Variants in DIP2C observed in about 807,000 individuals in gnomAD.
The protein encoded by DIP2C is disco-interacting protein 2 homolog C.
Under a neutral mutation model 192.4 loss-of-function variants are expected in DIP2C, and 33 were observed. That is an observed-to-expected ratio of 0.17 (90% CI 0.13 to 0.23). The LOEUF (loss-of-function observed/expected upper bound fraction) is 0.23. Among genes scored for constraint, DIP2C ranks in the 10% least tolerant of loss-of-function variants. The pLI is 1.00. For synonymous variants in DIP2C, 979 were observed against 864.1 expected (o/e 1.13, Z -2.33); for missense variants, 1,537 against 2,110.1 (o/e 0.73, Z 5.32).
Position 408,926 on chromosome 10 carries a change from C to T in DIP2C, c.1149G>A (p.Arg383=), listed in dbSNP as rs1481876015. 6 of 1,613,912 alleles carry T rather than the reference C, an allele frequency of 3.7e-6. No homozygotes were observed. The highest frequency in any genetic ancestry group is 5.1e-6 in the Non-Finnish European group (6 of 1,179,992). ...KQEPMVRPGD[R]VALVFPNNDP... ...ATCCAGCAGTTTAAGTTGCACTTAC[C>T]CTATCTCCAGGCCGGACCATGGGTT... is the stretch of plus-strand genomic sequence containing the variant. Residue 383 remains arginine, a splice_region_variant and synonymous_variant, in exon 9 of 37, where the codon AGG becomes AGA. Transcript: ENST00000280886.
intron 6 of DIP2C, among the ~76,000 whole-genome samples, chr10:417,425 A>G (rs2133118807): frequency 9.3e-6 from 1 of 107,626 alleles, no homozygotes; most frequent in South Asian, 3.7e-4. Flanking sequence ...TGGCCAATTT[A>G]GTAAAGACGA....
intron 1 of DIP2C, among the ~76,000 whole-genome samples, chr10:659,474 TAA>T (rs1266831090): frequency 6.6e-6 from 1 of 152,234 alleles, no homozygotes; most frequent in Non-Finnish European, 1.5e-5. Flanking sequence ...TTGTAATTAA[TAA>T]ACTCTACTTT....
At chr10:419,882 C>A (rs1243543017) in intron 5 of DIP2C, among the ~76,000 whole-genome samples, 1 of 152,174 alleles carries the variant, frequency 6.6e-6, no homozygotes, top group African/African-American at 2.4e-5. Context: ...TCTTACAGCA[C>A]CCCCTGGAGA....
At chr10:659,600 C>A (rs1199063467) in intron 1 of DIP2C, among the ~76,000 whole-genome samples, 1 of 152,208 alleles carries the variant, frequency 6.6e-6, no homozygotes, top group South Asian at 2.1e-4. Context: ...TGCCTGAAGA[C>A]CCTCTTCTGT....
intron 3 of DIP2C, among the ~76,000 whole-genome samples, chr10:445,450 T>G (rs148637623): frequency 1.3e-5 from 2 of 150,628 alleles, no homozygotes; most frequent in African/African-American, 4.9e-5. Flanking sequence ...ATATCTGTTG[T>G]GAAGAGTCTC....
At chr10:611,317 AC>A (rs1853083880) in intron 1 of DIP2C, among the ~76,000 whole-genome samples, 1 of 152,138 alleles carries the variant, frequency 6.6e-6, no homozygotes, top group East Asian at 1.9e-4. Flanking sequence ...TGCCGATTAA[AC>A]CTTTTTTCCT....
At chr10:550,041 C>T (rs1848506740) in intron 1 of DIP2C, among the ~76,000 whole-genome samples, 1 of 150,492 alleles carries the variant, frequency 6.6e-6, no homozygotes, top group African/African-American at 2.4e-5. Flanking sequence ...AGACAGTCTC[C>T]CTCTGTCGCC....
chr10:624,561 C>T (rs562825672), intron 1 of DIP2C, among the ~76,000 whole-genome samples: 50 of 152,316 alleles, frequency 3.3e-4, no homozygotes, highest in Admixed American at 1.3e-3. Context: ...TTGGAAGTCA[C>T]TCCCACCAGC....
intron 33 of DIP2C, among the ~76,000 whole-genome samples, chr10:287,003 A>G (rs1017616907): frequency 6.6e-6 from 1 of 152,158 alleles, no homozygotes; most frequent in African/African-American, 2.4e-5. Context: ...GTCCGTGTGG[A>G]TCTCCAGCTC....
At chr10:377,978 G>A (rs1041270090) in intron 17 of DIP2C, among the ~76,000 whole-genome samples, 3 of 152,100 alleles carry the variant, frequency 2.0e-5, no homozygotes, top group South Asian at 4.2e-4. Context: ...GTAGCTTTAA[G>A]AAAATCAAGT....
At chr10:360,744 T>C (rs1449962571) in intron 22 of DIP2C, among the ~76,000 whole-genome samples, 1 of 152,214 alleles carries the variant, frequency 6.6e-6, no homozygotes, top group African/African-American at 2.4e-5. Context: ...TCTTAATACT[T>C]TTGTGCTCAA....
At chr10:388,971 C>CA (rs1434842267) in intron 13 of DIP2C, among the ~76,000 whole-genome samples, 1 of 142,874 alleles carries the variant, frequency 7.0e-6, no homozygotes, top group Non-Finnish European at 1.5e-5. Flanking sequence ...TCTGGAGTCT[C>CA]AAGGGGCCTC....
At chr10:555,988 C>A (rs1255728005) in intron 1 of DIP2C, among the ~76,000 whole-genome samples, 1 of 152,120 alleles carries the variant, frequency 6.6e-6, no homozygotes, top group African/African-American at 2.4e-5. Context: ...CCCAACACAC[C>A]TCAAATTCTC....
intron 1 of DIP2C, among the ~76,000 whole-genome samples, chr10:653,130 AG>A (rs1334850715): frequency 6.6e-6 from 1 of 151,918 alleles, no homozygotes; most frequent in Non-Finnish European, 1.5e-5. Flanking sequence ...AAAAAAAAAA[AG>A]CAGATATTCA....
At chr10:642,784 T>A (rs1334350766) in intron 1 of DIP2C, among the ~76,000 whole-genome samples, 1 of 152,246 alleles carries the variant, frequency 6.6e-6, no homozygotes, top group Non-Finnish European at 1.5e-5. Context: ...GTCTGTACCC[T>A]ACAGCAGTGT....
chr10:342,667 C>T (rs1458610591), intron 28 of DIP2C, among the ~76,000 whole-genome samples: 1 of 152,156 alleles, frequency 6.6e-6, no homozygotes, highest in African/African-American at 2.4e-5. Flanking sequence ...AAAGATTTTG[C>T]TGCCTGTGAC....
In DIP2C at chr10:382,769, G is replaced by T. The variant is rs199979813; in HGVS notation, c.1877-8C>A. 4.2e-5 allele frequency: 66 copies of T among 1,585,266 alleles called. No homozygotes were observed. The highest frequency in any genetic ancestry group is 3.6e-4 in the Admixed American group (21 of 58,292). Reference sequence around the variant, plus strand: ...CGCAAGAAGAAATAGACCCTAGAGTGAAAGAGGGACAATGATCAGACAGCT... The same window carrying T: ...CGCAAGAAGAAATAGACCCTAGAGTTAAAGAGGGACAATGATCAGACAGCT... On this transcript the variant is annotated splice_polypyrimidine_tract_variant and splice_region_variant and intron_variant, in intron 16 of 36. Coordinates refer to ENST00000280886, the MANE Select transcript of DIP2C (RefSeq NM_014974.3).
intron 1 of DIP2C, among the ~76,000 whole-genome samples, chr10:602,386 A>G (rs971355040): frequency 6.6e-6 from 1 of 152,184 alleles, no homozygotes; most frequent in African/African-American, 2.4e-5. Context: ...CAGCAGAGCA[A>G]TGGCTCTGGC....
chr10:436,247 G>A (rs1564709741), intron 4 of DIP2C, among the ~76,000 whole-genome samples: 2 of 152,314 alleles, frequency 1.3e-5, no homozygotes, highest in East Asian at 3.9e-4. Context: ...TGCAGTGATT[G>A]TTTGCTTAAT....
Sources: allele counts gnomAD v4.1 joint callset (sites outside exome capture counted in the v4.1 genomes callset), GRCh38; gene constraint gnomAD v4.1.1; transcripts MANE v1.5; gene names NCBI Gene and HGNC (gene_info 2026-07-23, HGNC 2026-07-21).